The following RIMKLB variants were observed in gnomAD, a reference collection of about 807,000 sequenced individuals.
The protein encoded by RIMKLB is beta-citrylglutamate synthase B.
Under a neutral mutation model 32.0 loss-of-function variants are expected in RIMKLB, and 7 were observed. That is an observed-to-expected ratio of 0.22 (90% confidence interval 0.12 to 0.41). The LOEUF (loss-of-function observed/expected upper bound fraction) is 0.41. Ranked by LOEUF, RIMKLB falls within the 10% of genes least tolerant of loss-of-function variation. The probability of loss-of-function intolerance (pLI) is 1.00; values close to 1 mark genes in which losing one functional copy is unlikely to be tolerated. For missense variants in RIMKLB, 289 were observed against 498.7 expected, an observed-to-expected ratio of 0.58 and a Z score of 4.00; for synonymous variants, 172 against 185.1, an observed-to-expected ratio of 0.93 and a Z score of 0.57.
chr12:8,728,056 G>A (rs1946198912), intron 2 of RIMKLB, among the ~76,000 whole-genome samples: 1 of 152,156 alleles, frequency 6.6e-6, no homozygotes, highest in South Asian at 2.1e-4. Context: ...TGAACTTGTT[G>A]TATGCATTTT....
At chr12:8,741,259 T>C (rs1444849832) in intron 2 of RIMKLB, among the ~76,000 whole-genome samples, 1 of 149,826 alleles carries the variant, frequency 6.7e-6, no homozygotes, top group Non-Finnish European at 1.5e-5. Context: ...GTGTCTATGG[T>C]CTTGGCAACT....
chr12:8,777,855 T>C (rs750376589), downstream of RIMKLB: 23 of 283,830 alleles, frequency 8.1e-5, no homozygotes, highest in Non-Finnish European at 1.3e-4. Context: ...TTTCTTTTTT[T>C]AAAACTTCCT....
At chr12:8,718,620 C>T (rs1435508356) in intron 2 of RIMKLB, among the ~76,000 whole-genome samples, 1 of 150,362 alleles carries the variant, frequency 6.7e-6, no homozygotes, top group Non-Finnish European at 1.5e-5. Context: ...TCTAGTCTGA[C>T]AACAAAGCGA....
Position 8,775,730 on chromosome 12 carries a change from A to G in RIMKLB, c.*1946A>G, listed in dbSNP as rs1950688443. 1 of 984,740 alleles carries G rather than the reference A, an allele frequency of 1.0e-6. No homozygotes were observed. 61.0% of individuals were successfully genotyped at this position (984,740 alleles called of 1,614,324 possible). A position where few individuals can be genotyped will look rare whatever the true frequency, so the allele number is the denominator to read the frequency against. On this transcript the variant is annotated 3_prime_UTR_variant, in exon 6 of 6. Coordinates refer to ENST00000535829, the MANE Select transcript of RIMKLB (RefSeq NM_001297776.2). ...TTAAATAATATTAAAATTGAGTGAA[A>G]GGTTGATTGTTGATGAATAGAATAG...
chr12:8,687,006 G>A (rs772320514), intron 1 of RIMKLB, among the ~76,000 whole-genome samples: 24 of 152,180 alleles, frequency 1.6e-4, no homozygotes, highest in Admixed American at 5.9e-4. Context: ...GTAAGAATAC[G>A]TACTTGGCGA....
At chr12:8,696,759 TAAAAGCAG>T (rs1263510983), upstream of RIMKLB, among the ~76,000 whole-genome samples, 1 of 152,158 alleles carries the variant, frequency 6.6e-6, no homozygotes, top group African/African-American at 2.4e-5. Flanking sequence ...AAAAATTTTT[TAAAAGCAG>T]AAAATGAAAT....
At chr12:8,699,436 G>C (rs1469531978) in intron 1 of RIMKLB, among the ~76,000 whole-genome samples, 1 of 152,098 alleles carries the variant, frequency 6.6e-6, no homozygotes, top group Non-Finnish European at 1.5e-5. Flanking sequence ...GCAATTATGA[G>C]AATACTTTTA....
chr12:8,728,139 T>C (rs756422582), intron 2 of RIMKLB, among the ~76,000 whole-genome samples: 2 of 152,166 alleles, frequency 1.3e-5, no homozygotes, highest in Non-Finnish European at 2.9e-5. Flanking sequence ...ATCCATCAGT[T>C]TTTGCTTGTT....
chr12:8,675,277 TCCCTACTTTTGAAATGTC>T, the RIMKLB span, among the ~76,000 whole-genome samples: 5 of 152,234 alleles, frequency 3.3e-5, no homozygotes, highest in Admixed American at 1.3e-4. Context: ...TGCTGACCAG[TCCCTACTTTTGAAATGTC>T]CCCTCCTCTT....
intron 1 of RIMKLB, among the ~76,000 whole-genome samples, chr12:8,684,306 G>A (rs1439032770): frequency 6.6e-6 from 1 of 151,544 alleles, no homozygotes; most frequent in Admixed American, 6.6e-5. Flanking sequence ...CCGAGTAACT[G>A]TGACTACAGG....
At chr12:8,756,966 G>A (rs185680401) in intron 5 of RIMKLB, among the ~76,000 whole-genome samples, 21 of 152,152 alleles carry the variant, frequency 1.4e-4, no homozygotes, top group Non-Finnish European at 1.2e-4. Context: ...CACCAGGTGT[G>A]AGCCACCGTG....
At chr12:8,748,519 C>CGTATGT (rs544655023) in intron 2 of RIMKLB, among the ~76,000 whole-genome samples, 257 of 131,286 alleles carry the variant, frequency 2.0e-3, no homozygotes, top group Admixed American at 7.8e-3. Flanking sequence ...TGGGATTATT[C>CGTATGT]GTGTGTGTGT....
At chr12:8,678,208 G>A (rs1942355661), upstream of RIMKLB, among the ~76,000 whole-genome samples, 1 of 149,776 alleles carries the variant, frequency 6.7e-6, no homozygotes, top group Admixed American at 6.6e-5. Flanking sequence ...TAGAGACAGG[G>A]TCCCACTATG....
chr12:8,750,201 A>G, intron 3 of RIMKLB, 109 bp downstream of exon 3: 1 of 634,708 alleles, frequency 1.6e-6, no homozygotes, highest in Non-Finnish European at 2.8e-6. Context: ...TTTCAGTTTT[A>G]ACACACTGGA....
chr12:8,767,991 T>C (rs7313569), intron 5 of RIMKLB, among the ~76,000 whole-genome samples: 10,171 of 152,086 alleles, frequency 0.067, 1,106 homozygotes, highest in African/African-American at 0.22. Flanking sequence ...GTGCCTAGAG[T>C]TCCCAAGATG....
intron 2 of RIMKLB, among the ~76,000 whole-genome samples, chr12:8,743,956 G>A (rs1332449396): frequency 3.9e-5 from 6 of 151,980 alleles, no homozygotes; most frequent in Admixed American, 2.6e-4. Flanking sequence ...ATATGTGTTA[G>A]AGGAAATGGG....
In RIMKLB at chr12:8,750,023, G is replaced by A. The variant is rs777249185; in HGVS notation, c.337G>A (p.Val113Ile). The change falls in exon 3 of 6, where the codon GTT becomes ATT. Residue 113 changes from valine to isoleucine, a missense_variant. By Grantham distance (29) the Val-to-Ile change is conservative (BLOSUM62 3). Coordinates refer to ENST00000535829, the MANE Select transcript of RIMKLB (RefSeq NM_001297776.2). Reference protein sequence around the residue: ...MNRPQAILNCVNKFWTFQELA... With the variant: ...MNRPQAILNCINKFWTFQELA... ...CCGACCTCAAGCCATCCTGAACTGC[G>A]TTAATAAGTTCTGGACATTTCAAGA... 22 of 1,613,796 alleles carry A rather than the reference G, an allele frequency of 1.4e-5. No individual in the cohort carries two copies. The highest frequency in any genetic ancestry group is 1.6e-4 in the Middle Eastern group (1 of 6,084).
At chr12:8,771,955 C>G (rs917176734) in intron 5 of RIMKLB, among the ~76,000 whole-genome samples, 32 of 152,168 alleles carry the variant, frequency 2.1e-4, no homozygotes, top group African/African-American at 7.5e-4. Context: ...GTGGCACAAT[C>G]TTGGCTCACA....
intron 5 of RIMKLB, among the ~76,000 whole-genome samples, chr12:8,770,631 G>C (rs1262376622): frequency 1.3e-5 from 2 of 152,012 alleles, no homozygotes; most frequent in African/African-American, 4.8e-5. Context: ...CACATATTCT[G>C]TTAATACAAA....
Sources: gnomAD v4.1 joint callset for allele counts (sites outside exome capture counted in the v4.1 genomes callset) on GRCh38, gnomAD v4.1.1 for gene constraint, MANE v1.5 for transcripts, NCBI Gene and HGNC (gene_info 2026-07-23, HGNC 2026-07-21) for gene names.